The following TTC3 variants were observed in gnomAD, a reference collection of about 807,000 sequenced individuals.
The protein encoded by TTC3 is tetratricopeptide repeat domain 3, also known as E3 ubiquitin-protein ligase TTC3.
In TTC3, 180 loss-of-function variants were observed where a neutral mutation model predicts 249.6. The ratio of observed to expected loss-of-function variants is 0.72; its 90% CI spans 0.64 to 0.82. The LOEUF (loss-of-function observed/expected upper bound fraction) is 0.82, where lower values mean the gene tolerates loss of function less well. Among genes scored for constraint, TTC3 ranks in the 40% least tolerant of loss-of-function variants. TTC3 has a pLI of 0.00. For missense variants in TTC3, 2,061 were observed against 2,398.4 expected (o/e 0.86, Z 2.94); for synonymous variants, 717 against 805.0 (o/e 0.89, Z 1.85).
At chr21:37,187,197 GT>G (rs756153206) in intron 38 of TTC3, 52 bp downstream of exon 38, 28 of 1,373,876 alleles carry the variant, frequency 2.0e-5, no homozygotes, top group Admixed American at 4.7e-5. Flanking sequence ...TTGTTTTTGT[GT>G]TTCTTTAATG....
intron 17 of TTC3, 127 bp from the exon 18 acceptor site, chr21:37,135,253 G>A: frequency 1.2e-5 from 12 of 981,576 alleles, no homozygotes; most frequent in Non-Finnish European, 1.8e-5. Context: ...GATGAATAAG[G>A]GTAGTTTGGG....
At chr21:37,118,104 A>G (rs371589020) in intron 11 of TTC3, among the ~76,000 whole-genome samples, 1 of 128,834 alleles carries the variant, frequency 7.8e-6, no homozygotes, top group Non-Finnish European at 1.6e-5. Context: ...TGGTAACTAC[A>G]TAACTAGGTT....
chr21:37,116,640 C>A (rs1488452092), intron 11 of TTC3, among the ~76,000 whole-genome samples: 1 of 151,626 alleles, frequency 6.6e-6, no homozygotes, highest in South Asian at 2.1e-4. Context: ...GAAACCCCGT[C>A]TCTACAAAAA....
rs199892042 is a variant in TTC3, at chr21:37,166,594, C to T, written c.4380C>T (p.His1460=). 2.0e-5 allele frequency: 33 copies of T among 1,612,174 alleles called. No homozygotes were observed. In the African/African-American group the frequency reaches 2.1e-4, roughly 10 times the overall value. The stretch of plus-strand genomic sequence containing the variant: ...CCAGTGCAGTAACAAACATTCCACA[C>T]GTGCAGATGGTTGCCATACAGGTAA... Residue 1460 remains histidine (H), a synonymous_variant, in exon 33 of 46, where the codon CAC becomes CAT. Coordinates refer to ENST00000355666, the Ensembl canonical transcript of TTC3.
chr21:37,178,813 A>T (rs1215768266), intron 35 of TTC3, among the ~76,000 whole-genome samples: 1 of 152,148 alleles, frequency 6.6e-6, no homozygotes, highest in African/African-American at 2.4e-5. Context: ...TTAAAAAATT[A>T]ACCAGGCATG....
chr21:37,198,229 C>T (rs1211802398), intron 44 of TTC3, among the ~76,000 whole-genome samples: 1 of 152,168 alleles, frequency 6.6e-6, no homozygotes, highest in African/African-American at 2.4e-5. Context: ...TACGTTTGGG[C>T]CCAGCATGGA....
chr21:37,183,679 C>G (rs183200683), intron 36 of TTC3, among the ~76,000 whole-genome samples: 12 of 152,176 alleles, frequency 7.9e-5, no homozygotes, highest in Admixed American at 6.5e-4. Context: ...CTTGGCCTCA[C>G]TTTCTCTCTG....
At chr21:37,089,010 C>G in intron 5 of TTC3, 124 bp downstream of exon 5, 1 of 819,066 alleles carries the variant, frequency 1.2e-6, no homozygotes, top group Non-Finnish European at 1.9e-6. Context: ...TTTGGTTAAC[C>G]TGAGATAAAT....
rs1569024369 is a variant in TTC3 at position 37,138,576 on chromosome 21, G to A, written c.1579-58G>A. 4.3e-6 allele frequency: 5 copies of A among 1,160,566 alleles called. No individual in the cohort carries two copies. The East Asian group carries it at 9.5e-5, about 22-fold the overall frequency. The allele number at this position is 1,160,566 out of a possible 1,614,324, so 71.9% of individuals were successfully genotyped here. ...TTACACTTCTTTTTCTGTTGTGACT[G>A]GATGCAAATTGGGCAGAATTATATT... On this transcript the variant is annotated intron_variant, in intron 18 of 45. Transcript: ENST00000355666.
intron 13 of TTC3, among the ~76,000 whole-genome samples, chr21:37,124,109 G>GTTTTTTTTTTTT (rs1167142816): frequency 7.6e-5 from 2 of 26,186 alleles, no homozygotes; most frequent in Non-Finnish European, 1.5e-4. Context: ...TTTTTGAACT[G>GTTTTTTTTTTTT]TTCTTTTTTT....
intron 10 of TTC3, 36 bp from the exon 11 acceptor site, chr21:37,108,354 AAG>A (rs759804867): frequency 1.3e-6 from 2 of 1,572,758 alleles, no homozygotes; most frequent in East Asian, 2.3e-5. Context: ...TTTACTATAA[AAG>A]AGTGAAAATT....
chr21:37,156,578 A>G, intron 27 of TTC3, 77 bp from the exon 28 acceptor site: 3 of 1,517,862 alleles, frequency 2.0e-6, no homozygotes, highest in Non-Finnish European at 2.7e-6. Flanking sequence ...AGCTGCTTTC[A>G]GAGATGTGAA....
chr21:37,101,841 T>A (rs1033809423), intron 10 of TTC3, among the ~76,000 whole-genome samples: 4 of 151,464 alleles, frequency 2.6e-5, no homozygotes, highest in African/African-American at 9.7e-5. Flanking sequence ...ACCTACCTTG[T>A]TCTTCATGGC....
At chr21:37,153,119 C>T (rs780504302) in exon 27 of TTC3, 15 of 1,613,734 alleles carry the variant, frequency 9.3e-6, no homozygotes, top group South Asian at 2.2e-5. Context: ...ACCTGTTTTT[C>T]TAGCAGAAAT....
intron 1 of TTC3, chr21:37,082,991 G>A: frequency 1.0e-6 from 1 of 985,310 alleles, no homozygotes; most frequent in Non-Finnish European, 1.2e-6. Flanking sequence ...ATGGCAAATG[G>A]ATTGCACAAT....
intron 35 of TTC3, among the ~76,000 whole-genome samples, chr21:37,179,827 G>A (rs1398111381): frequency 6.6e-6 from 1 of 152,142 alleles, no homozygotes; most frequent in Non-Finnish European, 1.5e-5. Flanking sequence ...ATCTTTGGTT[G>A]ACAGCACCTA....
At chr21:37,084,645 C>T (rs1188443489) in intron 1 of TTC3, among the ~76,000 whole-genome samples, 2 of 152,186 alleles carry the variant, frequency 1.3e-5, no homozygotes, top group East Asian at 3.9e-4. Context: ...AGCCCAGAGT[C>T]TTGGCTGCAG....
At chr21:37,125,190 C>G (rs10154113) in intron 14 of TTC3, among the ~76,000 whole-genome samples, 80,831 of 152,028 alleles carry the variant, frequency 0.53, 22,107 homozygotes, top group African/African-American at 0.64. Context: ...CTCACCTCAG[C>G]CTGCCTTAGC....
At chr21:37,172,359 G>A (rs1336107906) in intron 34 of TTC3, among the ~76,000 whole-genome samples, 1 of 152,130 alleles carries the variant, frequency 6.6e-6, no homozygotes, top group Non-Finnish European at 1.5e-5. Flanking sequence ...ACTAATTATA[G>A]TATAGATTGG....
Sources: allele counts gnomAD v4.1 joint callset (sites outside exome capture counted in the v4.1 genomes callset), GRCh38; gene constraint gnomAD v4.1.1; transcripts MANE v1.5; gene names NCBI Gene and HGNC (gene_info 2026-07-23, HGNC 2026-07-21).